Variants in PDXDC1 observed in about 807,000 individuals in gnomAD.
PDXDC1 encodes pyridoxal-dependent decarboxylase domain-containing protein 1.
Under a neutral mutation model 100.1 loss-of-function variants are expected in PDXDC1, and 42 were observed. The ratio of observed to expected loss-of-function variants is 0.42; its 90% CI spans 0.33 to 0.54. PDXDC1 has a LOEUF of 0.54. Ranked by LOEUF, PDXDC1 falls within the 20% of genes least tolerant of loss-of-function variation. The pLI, the probability that PDXDC1 is intolerant of heterozygous loss-of-function variation, is 0.10. For synonymous variants in PDXDC1, 260 were observed against 371.7 expected, an observed-to-expected ratio of 0.70 and a Z score of 3.46; for missense variants, 636 against 979.2, an observed-to-expected ratio of 0.65 and a Z score of 4.68.
intron 13 of PDXDC1, among the ~76,000 whole-genome samples, chr16:15,024,854 A>T (rs1439409792): frequency 1.3e-5 from 2 of 152,306 alleles, no homozygotes; most frequent in Admixed American, 6.5e-5. Context: ...GGTCGTCTTC[A>T]TCACTCTTAC....
chr16:15,099,592 C>T (rs1195537890), intron 16 of PDXDC1, among the ~76,000 whole-genome samples: 2 of 151,860 alleles, frequency 1.3e-5, no homozygotes, highest in African/African-American at 4.8e-5. Context: ...CCAGTCTTGC[C>T]TTCCCCAGAG....
At position 15,033,513 on chromosome 16, in the gene PDXDC1, T is replaced by A. The variant is rs1374137199; in HGVS notation, c.1812+114T>A. 7.8e-5 allele frequency: 96 copies of A among 1,228,860 alleles called. 1 individual carries two copies. The highest frequency in any genetic ancestry group is 1.1e-4 in the Non-Finnish European group (95 of 855,780). 76.1% of individuals were successfully genotyped at this position (1,228,860 alleles called of 1,614,324 possible). A position where few individuals can be genotyped will look rare whatever the true frequency, so the allele number is the denominator to read the frequency against. The stretch of plus-strand genomic sequence containing the variant: ...TGTCTGTTCGTTGTCTCTCAAAGTC[T>A]GTCAATGTTTCCTGTAAGCTGGGCC... On this transcript the variant is annotated intron_variant, in intron 19 of 22. Coordinates refer to ENST00000396410, the MANE Select transcript of PDXDC1 (RefSeq NM_015027.4).
chr16:15,007,521 G>A (rs563692701), intron 6 of PDXDC1, among the ~76,000 whole-genome samples: 25 of 152,392 alleles, frequency 1.6e-4, no homozygotes, highest in African/African-American at 4.8e-4. Context: ...CCAACTGGGA[G>A]GACTACATCG....
At chr16:15,066,257 C>A (rs2044967689) in intron 16 of PDXDC1, among the ~76,000 whole-genome samples, 1 of 152,192 alleles carries the variant, frequency 6.6e-6, no homozygotes, top group Non-Finnish European at 1.5e-5. Context: ...GCATCTCCTA[C>A]AACCCCGCAG....
At chr16:15,000,253 A>G (rs1382626438) in intron 3 of PDXDC1, among the ~76,000 whole-genome samples, 4 of 152,290 alleles carry the variant, frequency 2.6e-5, no homozygotes, top group Non-Finnish European at 5.9e-5. Context: ...ATTCACACTT[A>G]GGAGTGCTAC....
intron 16 of PDXDC1, chr16:15,060,706 GAGA>G (rs2044679186): frequency 6.6e-6 from 1 of 152,402 alleles, no homozygotes. Context: ...AGAGGCTTTA[GAGA>G]AGGATTTCAC....
intron 16 of PDXDC1, chr16:15,125,969 C>T: frequency 1.7e-6 from 1 of 602,976 alleles, no homozygotes; most frequent in Non-Finnish European, 3.0e-6. Context: ...TGATGGCAGC[C>T]CCTCGCGACG....
At position 15,097,785 on chromosome 16, in the gene PDXDC1, C is replaced by A. The variant is rs1334305832; in HGVS notation, c.1400-41094C>A. ...CCTGCTTTCCTCCCAAAAATAGTCA[C>A]CATCATGATTTTTAAAAGTCATTTT... On this transcript the variant is annotated intron_variant, in intron 16 of 16. Transcript: ENST00000535621. Among the ~76,000 whole-genome samples the A allele has an allele frequency of 2.0e-5, 3 of 152,204 alleles. No homozygotes were observed. In the East Asian group the frequency reaches 5.8e-4, roughly 29 times the overall value.
chr16:15,096,891 AC>A (rs887327153), intron 16 of PDXDC1, among the ~76,000 whole-genome samples: 5 of 151,700 alleles, frequency 3.3e-5, no homozygotes, highest in African/African-American at 1.2e-4. Context: ...CTGGTCTTGA[AC>A]CCCCGGCCCA....
chr16:14,994,756 T>A (rs558033974), intron 1 of PDXDC1, among the ~76,000 whole-genome samples: 1 of 152,420 alleles, frequency 6.6e-6, no homozygotes, highest in South Asian at 2.1e-4. Flanking sequence ...ACGATATTGA[T>A]TCTTCCTACC....
intron 16 of PDXDC1, chr16:15,108,512 G>GC (rs1254916706): frequency 3.9e-5 from 4 of 103,154 alleles, no homozygotes; most frequent in Non-Finnish European, 6.1e-5. Flanking sequence ...AGAAGCCAGT[G>GC]AGGACATCAC....
chr16:15,135,699 C>T (rs1485259852), intron 16 of PDXDC1: 20 of 1,596,062 alleles, frequency 1.3e-5, no homozygotes, highest in Non-Finnish European at 1.6e-5. Context: ...GTCTGGTCGC[C>T]ATCCTCCAGG....
intron 16 of PDXDC1, chr16:15,128,231 G>T: frequency 6.2e-7 from 1 of 1,611,268 alleles, no homozygotes; most frequent in Non-Finnish European, 8.5e-7. Context: ...CCTTTGTCGT[G>T]CCACACTCGG....
chr16:15,014,164 G>A (rs187451541), intron 8 of PDXDC1, among the ~76,000 whole-genome samples: 344 of 151,426 alleles, frequency 2.3e-3, no homozygotes, highest in African/African-American at 7.2e-3. Context: ...CCGAGATTGC[G>A]CTGCTGCACT....
chr16:15,003,311 G>A (rs1973568253), intron 4 of PDXDC1, among the ~76,000 whole-genome samples: 1 of 151,822 alleles, frequency 6.6e-6, no homozygotes. Context: ...CTGCCTCCCG[G>A]GTTCACTCCA....
At chr16:15,128,912 TCTC>T (rs1219469104) in intron 16 of PDXDC1, among the ~76,000 whole-genome samples, 1 of 148,308 alleles carries the variant, frequency 6.7e-6, no homozygotes, top group Non-Finnish European at 1.5e-5. Flanking sequence ...TTCACGCCAT[TCTC>T]CTGCCTCAGT....
At chr16:15,121,093 CCT>C (rs2047420132) in intron 16 of PDXDC1, among the ~76,000 whole-genome samples, 1 of 64,764 alleles carries the variant, frequency 1.5e-5, no homozygotes, top group Admixed American at 1.8e-4. Context: ...GAAGACTTCC[CCT>C]GAGTAAGTTC....
chr16:15,096,569 A>C (rs2046362720), intron 16 of PDXDC1, among the ~76,000 whole-genome samples: 2 of 152,264 alleles, frequency 1.3e-5, no homozygotes, highest in African/African-American at 4.8e-5. Flanking sequence ...ACCGTAGCTC[A>C]CAAAGATACT....
At chr16:15,020,111 CAAAAAAAAAAAAAAAAA>C (rs56353637) in intron 12 of PDXDC1, among the ~76,000 whole-genome samples, 58 of 90,620 alleles carry the variant, frequency 6.4e-4, no homozygotes, top group African/African-American at 3.1e-3. Flanking sequence ...GGCTCCGTCT[CAAAAAAAAAAAAAAAAA>C]AAAAAAAAAA....
Sources: allele counts gnomAD v4.1 joint callset (sites outside exome capture counted in the v4.1 genomes callset), GRCh38; gene constraint gnomAD v4.1.1; transcripts MANE v1.5; gene names NCBI Gene and HGNC (gene_info 2026-07-23, HGNC 2026-07-21).